COL24A1: variants seen among roughly 807,000 people sequenced by gnomAD.
COL24A1 encodes collagen alpha-1(XXIV) chain.
Under a neutral mutation model 253.9 loss-of-function variants are expected in COL24A1, and 224 were observed. The ratio of observed to expected loss-of-function variants is 0.88; its 90% CI spans 0.79 to 0.99. COL24A1 has a LOEUF of 0.99. Ranked by LOEUF, COL24A1 falls within the 50% of genes least tolerant of loss-of-function variation. The probability of loss-of-function intolerance (pLI) is 0.00; values close to 1 mark genes in which losing one functional copy is unlikely to be tolerated. For synonymous variants in COL24A1, 685 were observed against 673.7 expected (o/e 1.02, Z -0.26); for missense variants, 2,131 against 2,068.5 (o/e 1.03, Z -0.59).
chr1:85,926,731 G>C (rs1179991910), intron 24 of COL24A1, among the ~76,000 whole-genome samples: 5 of 152,024 alleles, frequency 3.3e-5, no homozygotes, highest in Non-Finnish European at 7.4e-5. Flanking sequence ...ACAAGTTAAT[G>C]GGTGTAGCAA....
intron 19 of COL24A1, among the ~76,000 whole-genome samples, chr1:85,993,907 A>G (rs1001197367): frequency 1.1e-4 from 17 of 152,168 alleles, no homozygotes; most frequent in African/African-American, 4.1e-4. Flanking sequence ...TTTAGAGGTA[A>G]TAGCATGTTA....
intron 55 of COL24A1, among the ~76,000 whole-genome samples, chr1:85,760,465 T>C (rs1369605451): frequency 1.3e-5 from 2 of 152,286 alleles, no homozygotes; most frequent in Non-Finnish European, 2.9e-5. Context: ...TTCAAGGGGA[T>C]AGTCTTCCTT....
Position 85,737,403 on chromosome 1 carries a change from A to G in COL24A1, c.4775T>C (p.Val1592Ala), listed in dbSNP as rs1273171889. The G allele has an allele frequency of 1.9e-6, 3 of 1,608,916 alleles. No homozygotes were observed. The highest frequency in any genetic ancestry group is 3.3e-4 in the Middle Eastern group (2 of 6,076). ...GGQTCLPPVS[V>A]TKLEFGVGKV... Reference sequence around the variant, plus strand: ...TAAAATTCAGTAACATACCTTTGTTACAGAAACAGGAGGTAAGCATGTCTG... The same window carrying G: ...TAAAATTCAGTAACATACCTTTGTTGCAGAAACAGGAGGTAAGCATGTCTG... Residue 1592 changes from valine to alanine, a missense_variant, in exon 58 of 60, where the codon GTA (valine) becomes GCA (alanine). Transcript: ENST00000370571.
intron 7 of COL24A1, among the ~76,000 whole-genome samples, chr1:86,068,952 G>A (rs1269798581): frequency 6.6e-6 from 1 of 151,896 alleles, no homozygotes; most frequent in Non-Finnish European, 1.5e-5. Context: ...GAGCCCTTGG[G>A]CCCTGAATAA....
intron 47 of COL24A1, among the ~76,000 whole-genome samples, chr1:85,814,743 G>C (rs925899423): frequency 6.6e-6 from 1 of 152,120 alleles, no homozygotes; most frequent in South Asian, 2.1e-4. Flanking sequence ...CTAGAAAGAA[G>C]TTGTTTGTCA....
intron 9 of COL24A1, among the ~76,000 whole-genome samples, 174 bp downstream of exon 9, chr1:86,058,947 C>T (rs1700861114): frequency 6.6e-6 from 1 of 152,044 alleles, no homozygotes; most frequent in African/African-American, 2.4e-5. Flanking sequence ...TTAAATAAAA[C>T]TTTCTGAAGA....
intron 55 of COL24A1, among the ~76,000 whole-genome samples, chr1:85,754,586 A>G (rs963962688): frequency 2.0e-5 from 3 of 151,108 alleles, no homozygotes; most frequent in Admixed American, 2.0e-4. Context: ...ACAGTATGAG[A>G]AAGATGTCTT....
intron 32 of COL24A1, among the ~76,000 whole-genome samples, chr1:85,882,105 C>A (rs1238554406): frequency 6.6e-6 from 1 of 152,172 alleles, no homozygotes; most frequent in Admixed American, 6.5e-5. Flanking sequence ...ATTATTTAAT[C>A]TCCAAATGTT....
At chr1:85,863,325 T>C (rs1209643576) in intron 37 of COL24A1, among the ~76,000 whole-genome samples, 2 of 152,214 alleles carry the variant, frequency 1.3e-5, no homozygotes, top group African/African-American at 2.4e-5. Flanking sequence ...TCCTGCCTGA[T>C]TGCCCTGGCC....
intron 7 of COL24A1, among the ~76,000 whole-genome samples, chr1:86,071,518 A>G (rs999639546): frequency 1.3e-5 from 2 of 152,174 alleles, no homozygotes; most frequent in African/African-American, 4.8e-5. Flanking sequence ...CACTTCACCT[A>G]TATACACATA....
chr1:85,921,699 C>T (rs1449358029), intron 24 of COL24A1, among the ~76,000 whole-genome samples: 1 of 152,190 alleles, frequency 6.6e-6, no homozygotes, highest in Non-Finnish European at 1.5e-5. Flanking sequence ...GTAGATAAAA[C>T]CACAAAGATG....
intron 18 of COL24A1, among the ~76,000 whole-genome samples, chr1:86,018,297 G>C (rs556696157): frequency 6.6e-6 from 1 of 152,238 alleles, no homozygotes; most frequent in East Asian, 1.9e-4. Context: ...ACATAAAACA[G>C]GACACCATAA....
At position 85,868,514 on chromosome 1, in the gene COL24A1, C is replaced by T; in HGVS notation, c.3300+5G>A. 1 of 1,609,134 alleles carries T rather than the reference C, an allele frequency of 6.2e-7. No individual in the cohort carries two copies. On this transcript the variant is annotated splice_donor_5th_base_variant and intron_variant, in intron 37 of 59. Transcript: ENST00000370571. Reference sequence around the variant, plus strand: ...GTATTTGAAAGTGAACCCAGCAGTACTTACCGGAAGGCCTGTTTGGCCTGA... The same window carrying T: ...GTATTTGAAAGTGAACCCAGCAGTATTTACCGGAAGGCCTGTTTGGCCTGA...
intron 24 of COL24A1, among the ~76,000 whole-genome samples, chr1:85,947,613 T>C (rs1015279811): frequency 6.6e-6 from 1 of 152,174 alleles, no homozygotes; most frequent in Non-Finnish European, 1.5e-5. Context: ...AATTCTGTTA[T>C]GGGCAACAAA....
intron 43 of COL24A1, among the ~76,000 whole-genome samples, chr1:85,829,003 A>G (rs983660458): frequency 4.6e-5 from 7 of 152,066 alleles, no homozygotes; most frequent in South Asian, 2.1e-4. Context: ...TAGTTGATGC[A>G]GTTTCTTCCT....
chr1:85,797,138 T>C (rs1271374636), intron 47 of COL24A1, among the ~76,000 whole-genome samples: 1 of 130,420 alleles, frequency 7.7e-6, no homozygotes, highest in African/African-American at 3.0e-5. Context: ...ATCTGGGAGG[T>C]GGAGGTTGCA....
At chr1:85,957,861 G>A (rs1463577496) in intron 24 of COL24A1, among the ~76,000 whole-genome samples, 2 of 152,144 alleles carry the variant, frequency 1.3e-5, no homozygotes, top group Non-Finnish European at 2.9e-5. Flanking sequence ...ACATTCAAGT[G>A]CAAAGTAATA....
At chr1:85,805,117 C>A (rs889919928) in intron 47 of COL24A1, among the ~76,000 whole-genome samples, 5 of 152,110 alleles carry the variant, frequency 3.3e-5, no homozygotes, top group Admixed American at 1.3e-4. Flanking sequence ...CTGGGGATTA[C>A]AGGCATGAGC....
rs143633361 is a variant in COL24A1 at position 86,077,974 on chromosome 1, A to G, written c.1707+11200T>C. ...TTCTGCACATGTATCACAGAACTTA[A>G]AGTATAATTTTAAAAAAATTAAAAA... On this transcript the variant is annotated intron_variant, in intron 7 of 59. Transcript: ENST00000370571. 4.8e-3 allele frequency among the ~76,000 whole-genome samples: 733 copies of G among 152,268 alleles called. 7 individuals are homozygous for G. Among genetic ancestry groups the G allele is most frequent in the African/African-American group, 0.017 (706 of 41,540 alleles).
Sources: gnomAD v4.1 joint callset for allele counts (sites outside exome capture counted in the v4.1 genomes callset) on GRCh38, gnomAD v4.1.1 for gene constraint, MANE v1.5 for transcripts, NCBI Gene and HGNC (gene_info 2026-07-23, HGNC 2026-07-21) for gene names.